ASIC2: variants seen among roughly 807,000 people sequenced by gnomAD.
The protein encoded by ASIC2 is acid-sensing ion channel 2.
In ASIC2, 25 loss-of-function variants were observed where a neutral mutation model predicts 57.3. The observed-to-expected ratio is 0.44, with a 90% CI of 0.32 to 0.61. ASIC2 has a LOEUF of 0.61. Among genes scored for constraint, ASIC2 ranks in the 20% least tolerant of loss-of-function variants. ASIC2 has a pLI of 0.06. For missense variants in ASIC2, 641 were observed against 738.1 expected (o/e 0.87, Z 1.52); for synonymous variants, 319 against 307.5 (o/e 1.04, Z -0.39).
At chr17:33,730,644 TG>T (rs1418376638) in intron 1 of ASIC2, among the ~76,000 whole-genome samples, 1 of 152,248 alleles carries the variant, frequency 6.6e-6, no homozygotes, top group Admixed American at 6.5e-5. Context: ...TCCTAAGTCT[TG>T]CTTACTTTGT....
chr17:33,183,171 C>T (rs570361102), intron 1 of ASIC2, among the ~76,000 whole-genome samples: 1 of 152,148 alleles, frequency 6.6e-6, no homozygotes, highest in African/African-American at 2.4e-5. Flanking sequence ...CCCTCATACT[C>T]GAAAGTAAGT....
chr17:33,212,087 T>C (rs1464489442), intron 1 of ASIC2, among the ~76,000 whole-genome samples: 1 of 152,208 alleles, frequency 6.6e-6, no homozygotes, highest in East Asian at 1.9e-4. Flanking sequence ...TGTCTGTCTC[T>C]AAGGCTCCCA....
intron 2 of ASIC2, among the ~76,000 whole-genome samples, chr17:33,101,892 C>T (rs1011659358): frequency 2.6e-5 from 4 of 151,522 alleles, no homozygotes; most frequent in Admixed American, 1.3e-4. Context: ...TTGCTTTTTC[C>T]TTGTTGGTTT....
chr17:33,844,118 G>A (rs1455596522), intron 1 of ASIC2, among the ~76,000 whole-genome samples: 1 of 151,830 alleles, frequency 6.6e-6, no homozygotes, highest in African/African-American at 2.4e-5. Context: ...AACTTTATTG[G>A]GAGAAGAGTC....
chr17:33,277,603 C>G (rs1351717354), intron 1 of ASIC2, among the ~76,000 whole-genome samples: 1 of 152,206 alleles, frequency 6.6e-6, no homozygotes, highest in African/African-American at 2.4e-5. Flanking sequence ...GAAACTCTAT[C>G]TGAACATCAA....
intron 1 of ASIC2, among the ~76,000 whole-genome samples, chr17:33,550,293 C>T (rs560637904): frequency 1.2e-4 from 19 of 152,318 alleles, no homozygotes; most frequent in Admixed American, 3.3e-4. Context: ...GGCAATATCT[C>T]CTTTGCAAGT....
At chr17:33,101,111 C>T (rs1418001100) in intron 2 of ASIC2, among the ~76,000 whole-genome samples, 1 of 152,100 alleles carries the variant, frequency 6.6e-6, no homozygotes, top group East Asian at 1.9e-4. Flanking sequence ...CCTGGACACT[C>T]GGAACTCAGG....
intron 1 of ASIC2, among the ~76,000 whole-genome samples, chr17:33,323,543 G>T (rs982231416): frequency 1.3e-5 from 2 of 152,128 alleles, no homozygotes; most frequent in African/African-American, 4.8e-5. Flanking sequence ...TGAAACCCCT[G>T]TCTCTACTAA....
chr17:33,698,705 GA>G (rs1215951416), intron 1 of ASIC2, among the ~76,000 whole-genome samples: 3 of 152,174 alleles, frequency 2.0e-5, no homozygotes, highest in African/African-American at 7.2e-5. Flanking sequence ...CAAAGTCTTT[GA>G]AAACTGAAGT....
chr17:33,886,432 C>A (rs1341996463), intron 1 of ASIC2, among the ~76,000 whole-genome samples: 1 of 152,088 alleles, frequency 6.6e-6, no homozygotes, highest in East Asian at 1.9e-4. Context: ...TACAAGGAAA[C>A]CAACAGCTAG....
At chr17:33,545,305 C>T (rs1475723998) in intron 1 of ASIC2, among the ~76,000 whole-genome samples, 1 of 152,056 alleles carries the variant, frequency 6.6e-6, no homozygotes, top group Non-Finnish European at 1.5e-5. Flanking sequence ...GCTGTGAGAC[C>T]CAGTCCACAC....
intron 1 of ASIC2, among the ~76,000 whole-genome samples, chr17:33,317,976 T>G (rs1234183587): frequency 1.3e-5 from 2 of 151,370 alleles, no homozygotes; most frequent in Non-Finnish European, 2.9e-5. Context: ...GAGAAAAGAT[T>G]GAGAAGCTCC....
At chr17:33,942,580 G>A (rs917556731) in intron 1 of ASIC2, among the ~76,000 whole-genome samples, 5 of 152,116 alleles carry the variant, frequency 3.3e-5, no homozygotes, top group East Asian at 1.9e-4. Flanking sequence ...ATTGGACAGG[G>A]CACACGAAGT....
At chr17:33,887,736 G>A (rs1309547105) in intron 1 of ASIC2, among the ~76,000 whole-genome samples, 1 of 152,158 alleles carries the variant, frequency 6.6e-6, no homozygotes, top group African/African-American at 2.4e-5. Flanking sequence ...ATCACCTGTA[G>A]GCTCAGACCC....
At chr17:33,028,660 A>T (rs935563309) in intron 3 of ASIC2, among the ~76,000 whole-genome samples, 5 of 152,164 alleles carry the variant, frequency 3.3e-5, no homozygotes, top group Non-Finnish European at 7.3e-5. Context: ...AGCTGGGACT[A>T]CAGGTGGGCA....
At chr17:33,517,808 C>T (rs1400922976) in intron 1 of ASIC2, among the ~76,000 whole-genome samples, 1 of 151,824 alleles carries the variant, frequency 6.6e-6, no homozygotes, top group Non-Finnish European at 1.5e-5. Context: ...ATGTAACAAA[C>T]CTGCACGTTG....
At chr17:34,010,774 G>T (rs1906688361) in intron 1 of ASIC2, among the ~76,000 whole-genome samples, 1 of 150,080 alleles carries the variant, frequency 6.7e-6, no homozygotes, top group Admixed American at 6.6e-5. Flanking sequence ...TACACACACA[G>T]ACACACCCAC....
rs67811038 is a variant in ASIC2, at chr17:33,476,504, C to CATATATAT, written c.556-364445_556-364438dup. Among the ~76,000 whole-genome samples the CATATATAT allele has an allele frequency of 7.0e-3, 864 of 122,572 alleles. 2 individuals carry two copies. Among genetic ancestry groups the CATATATAT allele is most frequent in the African/African-American group, 8.0e-3 (268 of 33,664 alleles). The allele number at this position is 122,572 out of a possible 152,430, so 80.4% of individuals were successfully genotyped here. ...AAACCTTTTGCAAAGTGTGTGTGTG[C>CATATATAT]ATATATATATATATATATATATATA... On this transcript the variant is annotated intron_variant, in intron 1 of 9. Transcript: ENST00000359872.
At chr17:33,799,427 CTTCTTTCTTTCTTTCT>C (rs201420934) in intron 1 of ASIC2, among the ~76,000 whole-genome samples, 6,943 of 83,844 alleles carry the variant, frequency 0.083, 409 homozygotes, top group South Asian at 0.21. Flanking sequence ...TTCTTTCTTT[CTTCTTTCTTTCTTTCT>C]TTCTTTCTTT....
Sources: allele counts gnomAD v4.1 joint callset (sites outside exome capture counted in the v4.1 genomes callset), GRCh38; gene constraint gnomAD v4.1.1; transcripts MANE v1.5; gene names NCBI Gene and HGNC (gene_info 2026-07-23, HGNC 2026-07-21).